Variants in SGCZ observed in about 807,000 individuals in gnomAD.
SGCZ encodes zeta-sarcoglycan.
Under a neutral mutation model 41.3 loss-of-function variants are expected in SGCZ, and 40 were observed. The observed-to-expected ratio is 0.97, with a 90% confidence interval of 0.75 to 1.26. SGCZ has a LOEUF of 1.26. Among genes scored for constraint, SGCZ ranks in the 50% most tolerant of loss-of-function variants. The probability of loss-of-function intolerance (pLI) is 0.00; values close to 1 mark genes in which losing one functional copy is unlikely to be tolerated. For missense variants in SGCZ, 552 were observed against 369.8 expected (o/e 1.49, Z -4.04); for synonymous variants, 206 against 137.5 (o/e 1.50, Z -3.49).
At chr8:14,329,157 G>C (rs1000282239) in intron 2 of SGCZ, among the ~76,000 whole-genome samples, 6 of 152,168 alleles carry the variant, frequency 3.9e-5, no homozygotes, top group Non-Finnish European at 8.8e-5. Flanking sequence ...TTCACAGACA[G>C]TATAGTGTCA....
chr8:14,804,395 G>C (rs990347661), intron 1 of SGCZ, among the ~76,000 whole-genome samples: 2 of 132,222 alleles, frequency 1.5e-5, no homozygotes, highest in Non-Finnish European at 3.3e-5. Flanking sequence ...GGAGCTGATG[G>C]AGCTGAAAAC....
At chr8:14,449,580 T>C (rs567551199) in intron 2 of SGCZ, among the ~76,000 whole-genome samples, 3 of 152,172 alleles carry the variant, frequency 2.0e-5, no homozygotes, top group Non-Finnish European at 4.4e-5. Flanking sequence ...ATTGAGTCTG[T>C]GTCCCCTCTA....
At chr8:14,403,356 C>G (rs1367526697) in intron 2 of SGCZ, among the ~76,000 whole-genome samples, 1 of 150,938 alleles carries the variant, frequency 6.6e-6, no homozygotes, top group Non-Finnish European at 1.5e-5. Flanking sequence ...GAGGGCATCC[C>G]TGTCTTGTGC....
intron 2 of SGCZ, among the ~76,000 whole-genome samples, chr8:14,439,862 A>G (rs1008598798): frequency 7.2e-5 from 11 of 152,002 alleles, no homozygotes; most frequent in Non-Finnish European, 1.5e-4. Context: ...GCCTCCTCAC[A>G]TAATTCAGTC....
intron 1 of SGCZ, among the ~76,000 whole-genome samples, chr8:15,181,985 T>C (rs1391454114): frequency 6.6e-6 from 1 of 152,160 alleles, no homozygotes; most frequent in African/African-American, 2.4e-5. Flanking sequence ...CAAACGATGG[T>C]GGGTAAGCCA....
At chr8:15,094,138 T>G (rs943529588) in intron 1 of SGCZ, among the ~76,000 whole-genome samples, 2 of 151,994 alleles carry the variant, frequency 1.3e-5, no homozygotes, top group Admixed American at 1.3e-4. Context: ...TGGTTTTTTT[T>G]AAATTTTTTT....
In SGCZ at chr8:14,990,497, C is replaced by T. The variant is rs373483126; in HGVS notation, c.39+247088G>A. Among the ~76,000 whole-genome samples the T allele has an allele frequency of 3.7e-4, 57 of 152,120 alleles. 1 individual carries two copies. In the East Asian group the frequency reaches 6.8e-3, roughly 18 times the overall value. The stretch of plus-strand genomic sequence containing the variant: ...CCACAGCATTAGATTCGTATTGGAG[C>T]GCAAACTCCATTGCCAACTGAGCAT... On this transcript the variant is annotated intron_variant, in intron 1 of 7. Transcript: ENST00000382080.
At chr8:14,469,995 G>T (rs1801168572) in intron 2 of SGCZ, among the ~76,000 whole-genome samples, 1 of 152,100 alleles carries the variant, frequency 6.6e-6, no homozygotes, top group South Asian at 2.1e-4. Context: ...CCAAAGATGG[G>T]TTGATGGGAA....
chr8:14,744,869 T>C (rs148416322), intron 1 of SGCZ, among the ~76,000 whole-genome samples: 166 of 152,274 alleles, frequency 1.1e-3, no homozygotes, highest in African/African-American at 3.8e-3. Context: ...TCTTCTCTTC[T>C]CCATCCAGCT....
rs1422357448 is a variant in SGCZ at position 14,453,849 on chromosome 8, T to C, written c.234+100883A>G. Among the ~76,000 whole-genome samples, 3 of 152,228 alleles carry C rather than the reference T, an allele frequency of 2.0e-5. No individual in the cohort carries two copies. The East Asian group carries it at 5.8e-4, about 29-fold the overall frequency. On this transcript the variant is annotated intron_variant, in intron 2 of 7. Transcript: ENST00000382080. ...GTTTTTAAAAAGAGTGATTCTTAAA[T>C]ACACAGAGCTTTAAATACAGAACTG...
intron 1 of SGCZ, among the ~76,000 whole-genome samples, chr8:14,638,313 T>G (rs1387967282): frequency 1.3e-5 from 2 of 151,856 alleles, no homozygotes; most frequent in African/African-American, 2.4e-5. Context: ...AATAAATGCT[T>G]TTTGAATGAA....
intron 1 of SGCZ, among the ~76,000 whole-genome samples, chr8:14,919,854 G>A (rs1437771217): frequency 2.6e-5 from 4 of 152,128 alleles, no homozygotes; most frequent in South Asian, 2.1e-4. Context: ...GGAGGCAGAG[G>A]TTGCAGTGAG....
chr8:14,274,942 C>A (rs758498109), intron 3 of SGCZ, among the ~76,000 whole-genome samples: 3 of 152,046 alleles, frequency 2.0e-5, no homozygotes, highest in Non-Finnish European at 2.9e-5. Context: ...AAACTCACTT[C>A]CTATCTTAGG....
chr8:14,954,050 T>C (rs1382514122), intron 1 of SGCZ, among the ~76,000 whole-genome samples: 1 of 152,182 alleles, frequency 6.6e-6, no homozygotes, highest in Non-Finnish European at 1.5e-5. Flanking sequence ...ATTATGAATT[T>C]CTTCTGAAGT....
At chr8:14,604,306 T>A (rs1289919833) in intron 1 of SGCZ, among the ~76,000 whole-genome samples, 1 of 152,102 alleles carries the variant, frequency 6.6e-6, no homozygotes, top group Non-Finnish European at 1.5e-5. Flanking sequence ...GAGAGTTCTT[T>A]CTTTGAGAGA....
chr8:14,735,887 C>T (rs888000513), intron 1 of SGCZ, among the ~76,000 whole-genome samples: 2 of 151,976 alleles, frequency 1.3e-5, no homozygotes, highest in Non-Finnish European at 2.9e-5. Context: ...GGGTTGGAGG[C>T]ACCAAGAGCG....
chr8:14,267,033 G>C (rs1264085599), intron 3 of SGCZ, among the ~76,000 whole-genome samples: 1 of 151,942 alleles, frequency 6.6e-6, no homozygotes, highest in African/African-American at 2.4e-5. Flanking sequence ...ATCATCTTAT[G>C]TTTTTACAGG....
Position 14,266,237 on chromosome 8 carries a change from G to C in SGCZ, c.337-28558C>G, listed in dbSNP as rs531713787. ...CATATAAATTGAACCAAAATGTAAT[G>C]ATCCATTACTATGGGGCAGGGATGA... On this transcript the variant is annotated intron_variant, in intron 3 of 7. Coordinates refer to ENST00000382080, the MANE Select transcript of SGCZ (RefSeq NM_139167.4). Among the ~76,000 whole-genome samples the C allele has an allele frequency of 2.0e-5, 3 of 152,160 alleles. No individual in the cohort carries two copies. The South Asian group carries it at 6.2e-4, about 32-fold the overall frequency.
chr8:15,059,085 T>A (rs1322660002), intron 1 of SGCZ, among the ~76,000 whole-genome samples: 1 of 152,172 alleles, frequency 6.6e-6, no homozygotes, highest in African/African-American at 2.4e-5. Flanking sequence ...ATCAGCTAGA[T>A]TAAAATGTCT....
Sources: allele counts gnomAD v4.1 joint callset (sites outside exome capture counted in the v4.1 genomes callset), GRCh38; gene constraint gnomAD v4.1.1; transcripts MANE v1.5; gene names NCBI Gene and HGNC (gene_info 2026-07-23, HGNC 2026-07-21).